Variants in FGD3 observed in about 807,000 individuals in gnomAD.
FGD3 encodes FYVE, RhoGEF and PH domain-containing protein 3.
A neutral mutation model predicts 71.8 loss-of-function variants in FGD3; 45 were observed. That is an observed-to-expected ratio of 0.63 (90% CI 0.49 to 0.80). The LOEUF (loss-of-function observed/expected upper bound fraction) is 0.80, where lower values mean the gene tolerates loss of function less well. FGD3 is among the 30% of genes least tolerant of loss of function. FGD3 has a pLI of 0.00. For missense variants in FGD3, 844 were observed against 951.5 expected, an observed-to-expected ratio of 0.89 and a Z score of 1.49; for synonymous variants, 378 against 392.8, an observed-to-expected ratio of 0.96 and a Z score of 0.44.
intron 3 of FGD3, among the ~76,000 whole-genome samples, chr9:92,980,440 T>C (rs951676973): frequency 6.6e-6 from 1 of 152,230 alleles, no homozygotes; most frequent in African/African-American, 2.4e-5. Context: ...AGATACCTAA[T>C]GTATATAGAT....
At chr9:92,956,546 A>G (rs1222958016) in intron 1 of FGD3, among the ~76,000 whole-genome samples, 1 of 152,254 alleles carries the variant, frequency 6.6e-6, no homozygotes, top group African/African-American at 2.4e-5. Context: ...ACACAAGGAT[A>G]TGATGGCTGC....
intron 15 of FGD3, chr9:93,032,320 C>T (rs2118842487): frequency 5.5e-6 from 1 of 182,382 alleles, no homozygotes; most frequent in African/African-American, 2.3e-5. Context: ...ACCAACAGTG[C>T]AAGGATTCCA....
intron 11 of FGD3, among the ~76,000 whole-genome samples, chr9:93,019,331 GA>G (rs1861824358): frequency 2.6e-5 from 4 of 152,172 alleles, no homozygotes; most frequent in Non-Finnish European, 4.4e-5. Context: ...AGTTCCCACT[GA>G]CGAGGACCTG....
At chr9:92,957,577 T>C (rs1587810032) in intron 1 of FGD3, among the ~76,000 whole-genome samples, 2 of 152,172 alleles carry the variant, frequency 1.3e-5, no homozygotes, top group South Asian at 4.1e-4. Context: ...TTCATTGATT[T>C]GTAGGAATCT....
chr9:92,948,986 A>C (rs1858904809), intron 1 of FGD3, among the ~76,000 whole-genome samples: 1 of 152,158 alleles, frequency 6.6e-6, no homozygotes, highest in Non-Finnish European at 1.5e-5. Context: ...TTGGGCTGGG[A>C]CTGGAGGCCT....
intron 1 of FGD3, among the ~76,000 whole-genome samples, chr9:92,970,200 C>T (rs575264813): frequency 2.0e-5 from 3 of 152,196 alleles, no homozygotes; most frequent in South Asian, 4.1e-4. Flanking sequence ...TGAGCCTCGG[C>T]GTCCTCATAT....
chr9:92,975,464 G>A (rs1012282731), intron 2 of FGD3, 59 bp downstream of exon 2: 1 of 152,168 alleles, frequency 6.6e-6, no homozygotes, highest in Non-Finnish European at 1.5e-5. Flanking sequence ...CTGCGTCTTC[G>A]GTTCAAGAGG....
chr9:92,951,423 T>A (rs1485792467), intron 1 of FGD3, among the ~76,000 whole-genome samples: 1 of 152,208 alleles, frequency 6.6e-6, no homozygotes, highest in African/African-American at 2.4e-5. Flanking sequence ...ATGCCTATAA[T>A]CCCAACACTT....
intron 12 of FGD3, 67 bp from the exon 13 acceptor site, chr9:93,020,250 G>A (rs1564167229): frequency 2.9e-5 from 42 of 1,452,746 alleles, no homozygotes; most frequent in Middle Eastern, 1.8e-4. Context: ...AGGCAGGCGC[G>A]TCCCTCCTGT....
chr9:93,034,317 C>G, intron 16 of FGD3: 1 of 497,880 alleles, frequency 2.0e-6, no homozygotes, highest in South Asian at 4.0e-5. Flanking sequence ...CTTGGAGGGC[C>G]CAGCCTGCAA....
intron 6 of FGD3, among the ~76,000 whole-genome samples, chr9:93,008,576 G>T (rs527649847): frequency 5.6e-4 from 86 of 152,302 alleles, no homozygotes; most frequent in Admixed American, 2.9e-3. Flanking sequence ...GTCCTGCCCG[G>T]TGACGCAGTC....
intron 1 of FGD3, among the ~76,000 whole-genome samples, chr9:92,973,992 G>A (rs1859630098): frequency 6.6e-6 from 1 of 152,232 alleles, no homozygotes; most frequent in Non-Finnish European, 1.5e-5. Context: ...TGGGCAGTGA[G>A]CTGGGGCAAT....
At position 92,957,989 on chromosome 9, in the gene FGD3, T is replaced by A. The variant is rs183340229; in HGVS notation, c.-218+10260T>A. ...TGCACCCGGCCGCCTTTGAAATTTT[T>A]AAAAAATATTTAATTTTTTTTTTTT... On this transcript the variant is annotated intron_variant, in intron 1 of 17. Coordinates refer to ENST00000375482, the MANE Select transcript of FGD3 (RefSeq NM_001083536.2). Among the ~76,000 whole-genome samples, 998 of 147,152 alleles carry A rather than the reference T, an allele frequency of 6.8e-3. 9 individuals are homozygous for A. The highest frequency in any genetic ancestry group is 0.011 in the Non-Finnish European group (762 of 66,990).
chr9:92,995,781 T>C (rs887667648), intron 3 of FGD3, among the ~76,000 whole-genome samples: 43 of 152,320 alleles, frequency 2.8e-4, no homozygotes, highest in African/African-American at 9.9e-4. Flanking sequence ...TTACATTTAT[T>C]GATTTGTGTA....
intron 1 of FGD3, among the ~76,000 whole-genome samples, chr9:92,967,155 G>C (rs1385907214): frequency 6.6e-6 from 1 of 152,040 alleles, no homozygotes; most frequent in Non-Finnish European, 1.5e-5. Flanking sequence ...TAGAGAGGGG[G>C]TTTTACCATA....
At chr9:92,989,041 T>G (rs952984505) in intron 3 of FGD3, among the ~76,000 whole-genome samples, 10 of 152,146 alleles carry the variant, frequency 6.6e-5, no homozygotes, top group African/African-American at 2.2e-4. Context: ...TTCATCAGTG[T>G]TTTTTTGTTT....
Position 93,035,380 on chromosome 9 carries a change from C to T in FGD3, c.1969C>T (p.Leu657=), listed in dbSNP as rs771653886. ...PRTIPLPSCK[L]SVPDPEERLD... The stretch of plus-strand genomic sequence containing the variant: ...CACCATCCCTCTCCCCAGCTGCAAA[C>T]TGAGTGTGCCGGACCCTGAGGAGAG... Residue 657 remains leucine, a synonymous_variant, in exon 18 of 18, where the codon CTG becomes TTG. Transcript: ENST00000375482. The T allele has an allele frequency of 1.9e-6, 3 of 1,611,134 alleles. No homozygotes were observed. The highest frequency in any genetic ancestry group is 2.2e-5 in the South Asian group (2 of 90,554).
chr9:92,969,491 G>T lies in FGD3; in HGVS notation c.-217-5747G>T, dbSNP rs904218607. Among the ~76,000 whole-genome samples, 2 of 152,228 alleles carry T rather than the reference G, an allele frequency of 1.3e-5. No individual in the cohort carries two copies. Among genetic ancestry groups the T allele is most frequent in the African/African-American group, 4.8e-5 (2 of 41,456 alleles). ...AGTGGCATCAAAGAATATACGGGCA[G>T]TTTAAAAACCACCACTAACGCGTTT... On this transcript the variant is annotated intron_variant, in intron 1 of 17. Transcript: ENST00000375482. The surrounding 1 kb of genome is among the most constrained non-coding windows in gnomAD (Gnocchi z 4.5).
intron 3 of FGD3, among the ~76,000 whole-genome samples, chr9:92,988,467 C>T (rs1860274330): frequency 6.6e-6 from 1 of 152,212 alleles, no homozygotes. Flanking sequence ...TCAAGACCAT[C>T]ACCTGATGAT....
Sources: allele counts gnomAD v4.1 joint callset (sites outside exome capture counted in the v4.1 genomes callset), GRCh38; gene constraint gnomAD v4.1.1; non-coding constraint Gnocchi (gnomAD v3.1); transcripts MANE v1.5; gene names NCBI Gene and HGNC (gene_info 2026-07-23, HGNC 2026-07-21).